Variants in SAG observed in about 807,000 individuals in gnomAD.
SAG encodes S-arrestin.
SAG carries 45 observed loss-of-function variants against 55.0 expected under a neutral mutation model. The ratio of observed to expected loss-of-function variants is 0.82; its 90% CI spans 0.64 to 1.05. The LOEUF is 1.05. Ranked by LOEUF, SAG falls within the 50% of genes least tolerant of loss-of-function variation. The pLI is 0.00. For missense variants in SAG, 455 were observed against 512.1 expected, an observed-to-expected ratio of 0.89 and a Z score of 1.08; for synonymous variants, 189 against 197.4, an observed-to-expected ratio of 0.96 and a Z score of 0.36.
Position 233,338,764 on chromosome 2 carries a change from C to T in SAG, c.1022+11C>T, listed in dbSNP as rs186265891. ...GCTCACAGTGTCAGGGTAAGTGTCC[C>T]GGCACCAACCCTCGGGCTGCTCTGT... On this transcript the variant is annotated intron_variant, in intron 12 of 15. Transcript: ENST00000409110. 205 of 1,610,826 alleles carry T rather than the reference C, an allele frequency of 1.3e-4. 1 individual carries two copies. The African/African-American group carries it at 1.7e-3, about 13-fold the overall frequency.
At position 233,319,478 on chromosome 2, in the gene SAG, C is replaced by A; in HGVS notation, c.181+683C>A. 1.7e-6 allele frequency: 1 copy of A among 575,432 alleles called. No individual in the cohort carries two copies. The highest frequency in any genetic ancestry group is 2.2e-6 in the Non-Finnish European group (1 of 451,700). 35.6% of individuals were successfully genotyped at this position (575,432 alleles called of 1,614,324 possible). The stretch of plus-strand genomic sequence containing the variant: ...TATCCTTGTGATAATGTCACTGACT[C>A]AGTTCCATTCTAAATATGCCTTTTT... On this transcript the variant is annotated intron_variant, in intron 4 of 15. Coordinates refer to ENST00000409110, the MANE Select transcript of SAG (RefSeq NM_000541.5). The surrounding 1 kb of genome is among the most constrained non-coding windows in gnomAD (Gnocchi z 4.4).
rs1700645521 is a variant in SAG, at chr2:233,328,539, C to T, written c.574C>T (p.Pro192Ser). 6.2e-7 allele frequency: 1 copy of T among 1,613,916 alleles called. No homozygotes were observed. ...TGCCCCACTTGAGATGGGTCCCCAG[C>T]CCCGAGCTGAGGCGGCCTGGCAGTT... ...QHAPLEMGPQ[P>S]RAEAAWQFFM... is the part of the protein sequence containing the mutation. The change falls in exon 8 of 16, where the codon CCC becomes TCC. Residue 192 changes from proline (P) to serine (S), a missense_variant. Coordinates refer to ENST00000409110, the MANE Select transcript of SAG (RefSeq NM_000541.5).
chr2:233,334,981 A>C lies in SAG; in HGVS notation c.826A>C (p.Ser276Arg). 4 of 1,614,020 alleles carry C rather than the reference A, an allele frequency of 2.5e-6. No homozygotes were observed. Among genetic ancestry groups the C allele is most frequent in the African/African-American group, 2.7e-5 (2 of 75,064 alleles). ...EEAQEKVPPN[S>R]TLTKTLTLLP... is the part of the protein sequence containing the mutation. ...CTCTAGAGAAAAAGTGCCACCAAAC[A>C]GCACTTTGACCAAGACGCTGACGCT... The change falls in exon 11 of 16, where the codon AGC (serine) becomes CGC (arginine). Residue 276 changes from serine to arginine, a missense_variant. Transcript: ENST00000409110.
chr2:233,318,539 AAT>A (rs942379978), intron 3 of SAG, among the ~76,000 whole-genome samples: 17 of 138,338 alleles, frequency 1.2e-4, no homozygotes, highest in South Asian at 2.3e-4. Context: ...GACCTGGAAA[AAT>A]AAAATAAAAA....
chr2:233,340,560 T>A lies in SAG; in HGVS notation c.1046+82T>A. ...CTTGGGGCTCCAAAACGGTTTCTGA[T>A]GAAAGCTGCTTTCTGGACAGTTGTG... On this transcript the variant is annotated intron_variant, in intron 13 of 15. Transcript: ENST00000409110. This position sits in a 1 kb window ranked among gnomAD's most constrained non-coding sequence, Gnocchi z 4.2. The A allele has an allele frequency of 9.3e-7, 1 of 1,073,360 alleles. No individual in the cohort carries two copies. The highest frequency in any genetic ancestry group is 2.0e-5 in the Admixed American group (1 of 50,924). The allele number at this position is 1,073,360 out of a possible 1,614,324, so 66.5% of individuals were successfully genotyped here. A position where few individuals can be genotyped will look rare whatever the true frequency, so the allele number is the denominator to read the frequency against.
Position 233,319,748 on chromosome 2 carries a change from C to A in SAG, c.182-882C>A, listed in dbSNP as rs891153122. 9 of 985,666 alleles carry A rather than the reference C, an allele frequency of 9.1e-6. No individual in the cohort carries two copies. The highest frequency in any genetic ancestry group is 9.6e-6 in the Non-Finnish European group (8 of 830,012). 61.1% of individuals were successfully genotyped at this position (985,666 alleles called of 1,614,324 possible). On this transcript the variant is annotated intron_variant, in intron 4 of 15. Transcript: ENST00000409110. The surrounding 1 kb of genome is among the most constrained non-coding windows in gnomAD (Gnocchi z 4.4). ...GGGCGCCTGTTCTCAGGGAAAGCCA[C>A]TGCACAGGACAGCTGTCAAACCACG...
At chr2:233,324,110 G>C (rs1044023030) in intron 6 of SAG, among the ~76,000 whole-genome samples, 3 of 152,102 alleles carry the variant, frequency 2.0e-5, no homozygotes, top group Non-Finnish European at 4.4e-5. Flanking sequence ...GGGATGAAAG[G>C]GGGAGGCCAA....
In SAG at chr2:233,309,101, C is replaced by T. The variant is rs988560100; in HGVS notation, c.-28-61C>T. 4 of 985,558 alleles carry T rather than the reference C, an allele frequency of 4.1e-6. No homozygotes were observed. In the African/African-American group the frequency reaches 4.8e-5, roughly 12 times the overall value. 61.1% of individuals were successfully genotyped at this position (985,558 alleles called of 1,614,324 possible). A position where few individuals can be genotyped will look rare whatever the true frequency, so the allele number is the denominator to read the frequency against. On this transcript the variant is annotated intron_variant, in intron 1 of 15. Transcript: ENST00000409110. ...GGTTTCATAACTAGGATGTTCTTGA[C>T]TTGATATTTAGGATTGTCTTACCTT...
chr2:233,336,963 G>T (rs1279666221), intron 11 of SAG, among the ~76,000 whole-genome samples: 2 of 152,132 alleles, frequency 1.3e-5, no homozygotes, highest in African/African-American at 4.8e-5. Context: ...GGGCATGGTG[G>T]CACGTGCCTG....
Position 233,318,836 on chromosome 2 carries a change from A to T in SAG, c.181+41A>T, listed in dbSNP as rs762332432. The T allele has an allele frequency of 2.6e-6, 4 of 1,565,440 alleles. No individual in the cohort carries two copies. The Admixed American group carries it at 6.7e-5, about 26-fold the overall frequency. On this transcript the variant is annotated intron_variant, in intron 4 of 15. Transcript: ENST00000409110. ...TTGTCTCAGGCTGGTTTCTGGGCGGAGTGGACTGCTCTCTGGGCGGCTCTG... is the reference window on the plus strand; with the variant it reads ...TTGTCTCAGGCTGGTTTCTGGGCGGTGTGGACTGCTCTCTGGGCGGCTCTG...
chr2:233,323,914 A>C (rs1435905293), intron 6 of SAG, among the ~76,000 whole-genome samples: 2 of 152,186 alleles, frequency 1.3e-5, no homozygotes, highest in Non-Finnish European at 2.9e-5. Flanking sequence ...GTGGAGAACA[A>C]GAGGCTTGTG....
intron 2 of SAG, among the ~76,000 whole-genome samples, chr2:233,312,836 C>A (rs1700112601): frequency 6.6e-6 from 1 of 152,222 alleles, no homozygotes; most frequent in Admixed American, 6.5e-5. Context: ...CTCCTTCCCT[C>A]CTCAGTGCCC....
chr2:233,324,924 G>A (rs1270414643), intron 6 of SAG, among the ~76,000 whole-genome samples: 1 of 152,092 alleles, frequency 6.6e-6, no homozygotes, highest in African/African-American at 2.4e-5. Flanking sequence ...GAACAGAATG[G>A]AATGGAATAG....
At chr2:233,327,421 C>G (rs1021001628) in intron 7 of SAG, 1 of 415,474 alleles carries the variant, frequency 2.4e-6, no homozygotes, top group African/African-American at 2.0e-5. Context: ...CACGTAAGCC[C>G]CGAAAAGCTC....
intron 6 of SAG, 99 bp downstream of exon 6, chr2:233,323,104 G>T: frequency 1.3e-6 from 1 of 783,280 alleles, no homozygotes. Flanking sequence ...TGTCACCAAT[G>T]CTGGGGTGCA....
intron 2 of SAG, among the ~76,000 whole-genome samples, chr2:233,315,217 G>A (rs1477512425): frequency 6.8e-6 from 1 of 146,892 alleles, no homozygotes; most frequent in Non-Finnish European, 1.5e-5. Context: ...CTGTGCAGTA[G>A]TTCACCTGGT....
chr2:233,342,175 G>A, intron 13 of SAG, 96 bp from the exon 14 acceptor site: 2 of 918,188 alleles, frequency 2.2e-6, no homozygotes, highest in Non-Finnish European at 3.5e-6. Flanking sequence ...TTGGGCCTGG[G>A]GATCTTTTGT....
intron 2 of SAG, among the ~76,000 whole-genome samples, chr2:233,315,283 T>A (rs1284432078): frequency 3.7e-4 from 13 of 35,424 alleles, no homozygotes; most frequent in African/African-American, 1.6e-3. Context: ...CAGAAGTTCT[T>A]TTTTTTTTTT....
chr2:233,311,734 C>T (rs1354981739), intron 2 of SAG, among the ~76,000 whole-genome samples: 1 of 152,150 alleles, frequency 6.6e-6, no homozygotes, highest in African/African-American at 2.4e-5. Flanking sequence ...ACCTCTTACA[C>T]CCTGGGTTTC....
Sources: allele counts gnomAD v4.1 joint callset (sites outside exome capture counted in the v4.1 genomes callset), GRCh38; gene constraint gnomAD v4.1.1; non-coding constraint Gnocchi (gnomAD v3.1); transcripts MANE v1.5; gene names NCBI Gene and HGNC (gene_info 2026-07-23, HGNC 2026-07-21).